The following CTNNA3 variants were observed in gnomAD, a reference collection of about 807,000 sequenced individuals.
The protein encoded by CTNNA3 is catenin alpha-3.
A neutral mutation model predicts 95.7 loss-of-function variants in CTNNA3; 76 were observed. That is an observed-to-expected ratio of 0.79 (90% CI 0.66 to 0.96). The LOEUF is 0.96. Ranked by LOEUF, CTNNA3 falls within the 40% of genes least tolerant of loss-of-function variation. The pLI, the probability that CTNNA3 is intolerant of heterozygous loss-of-function variation, is 0.00. For missense variants in CTNNA3, 1,191 were observed against 1,089.8 expected (o/e 1.09, Z -1.31); for synonymous variants, 431 against 374.4 (o/e 1.15, Z -1.74).
chr10:66,580,030 C>A (rs1217341159), intron 10 of CTNNA3, among the ~76,000 whole-genome samples: 1 of 151,512 alleles, frequency 6.6e-6, no homozygotes, highest in South Asian at 2.1e-4. Context: ...TTTTTGTTTT[C>A]TTTAAAGTCT....
intron 11 of CTNNA3, among the ~76,000 whole-genome samples, chr10:66,411,551 T>C (rs56138970): frequency 0.38 from 58,048 of 151,798 alleles, 11,660 homozygotes; most frequent in African/African-American, 0.5. Context: ...CAAATATTTA[T>C]AAGGTTTACC....
chr10:66,309,746 T>C (rs1252250254), intron 12 of CTNNA3, among the ~76,000 whole-genome samples: 1 of 46,556 alleles, frequency 2.1e-5, no homozygotes, highest in East Asian at 6.6e-4. Flanking sequence ...GATAGGGAAA[T>C]AGGGAAATGA....
chr10:67,703,480 T>A (rs1261287243), intron 1 of CTNNA3, among the ~76,000 whole-genome samples: 1 of 151,980 alleles, frequency 6.6e-6, no homozygotes, highest in East Asian at 1.9e-4. Flanking sequence ...TATACGCAAA[T>A]CAATAAATGT....
chr10:67,725,267 C>T (rs1270911972), intron 1 of CTNNA3, among the ~76,000 whole-genome samples: 12 of 151,836 alleles, frequency 7.9e-5, no homozygotes, highest in Non-Finnish European at 1.5e-4. Flanking sequence ...AGCTCCATCT[C>T]CCAGGGTCAG....
chr10:67,076,847 T>A (rs1257440194), intron 7 of CTNNA3, among the ~76,000 whole-genome samples: 2 of 152,164 alleles, frequency 1.3e-5, no homozygotes, highest in African/African-American at 2.4e-5. Flanking sequence ...TCCTCTGTTT[T>A]TCATACTAAT....
intron 5 of CTNNA3, among the ~76,000 whole-genome samples, chr10:67,237,458 A>G (rs1417692090): frequency 6.6e-6 from 1 of 151,806 alleles, no homozygotes; most frequent in Non-Finnish European, 1.5e-5. Flanking sequence ...TGATGGGTGC[A>G]CCAAAATTTT....
chr10:67,601,038 G>A (rs1843068055), intron 3 of CTNNA3, among the ~76,000 whole-genome samples: 1 of 152,192 alleles, frequency 6.6e-6, no homozygotes, highest in African/African-American at 2.4e-5. Flanking sequence ...GGGACAAGGG[G>A]CCCTCTTAGG....
chr10:66,589,042 TTAAG>T (rs1413903741), intron 10 of CTNNA3, among the ~76,000 whole-genome samples: 2 of 152,046 alleles, frequency 1.3e-5, no homozygotes, highest in African/African-American at 2.4e-5. Context: ...GTTTTGTTTC[TTAAG>T]TAAGGATAGA....
At chr10:66,974,491 A>T (rs1263760129) in intron 7 of CTNNA3, among the ~76,000 whole-genome samples, 1 of 152,172 alleles carries the variant, frequency 6.6e-6, no homozygotes, top group Non-Finnish European at 1.5e-5. Context: ...ATTCGCCAGC[A>T]TATGTTTTTA....
At chr10:67,107,974 C>T (rs1207122087) in intron 7 of CTNNA3, among the ~76,000 whole-genome samples, 1 of 152,186 alleles carries the variant, frequency 6.6e-6, no homozygotes, top group Non-Finnish European at 1.5e-5. Context: ...CCAATAAAAC[C>T]CTGTCTTACT....
chr10:66,588,468 T>C (rs1376152233), intron 10 of CTNNA3, among the ~76,000 whole-genome samples: 1 of 152,098 alleles, frequency 6.6e-6, no homozygotes, highest in Non-Finnish European at 1.5e-5. Flanking sequence ...CCATTTTAAA[T>C]AACACATAGG....
intron 13 of CTNNA3, among the ~76,000 whole-genome samples, chr10:66,230,294 T>G (rs568980707): frequency 1.3e-5 from 2 of 152,334 alleles, no homozygotes; most frequent in Non-Finnish European, 2.9e-5. Context: ...AATTGATATT[T>G]AAGATCTTGT....
At chr10:67,700,326 G>A (rs1841026025), upstream of CTNNA3, among the ~76,000 whole-genome samples, 1 of 152,210 alleles carries the variant, frequency 6.6e-6, no homozygotes, top group Non-Finnish European at 1.5e-5. Context: ...GCCTCCTCAA[G>A]TGGGTCCCTG....
At chr10:66,299,568 C>A (rs760453618) in intron 12 of CTNNA3, among the ~76,000 whole-genome samples, 4 of 152,130 alleles carry the variant, frequency 2.6e-5, no homozygotes, top group Non-Finnish European at 5.9e-5. Flanking sequence ...TGTATCTGAA[C>A]TATTTAGCCT....
chr10:66,601,533 G>C (rs1378386865), intron 10 of CTNNA3, among the ~76,000 whole-genome samples: 1 of 151,758 alleles, frequency 6.6e-6, no homozygotes, highest in Non-Finnish European at 1.5e-5. Flanking sequence ...ATAGCTTCTG[G>C]ATCTCAATGT....
At chr10:66,967,307 T>G (rs112787444) in intron 7 of CTNNA3, among the ~76,000 whole-genome samples, 1 of 150,936 alleles carries the variant, frequency 6.6e-6, no homozygotes, top group East Asian at 1.9e-4. Context: ...GATATAGGTA[T>G]AGATAGATAT....
At chr10:66,508,452 G>C (rs559980547) in intron 11 of CTNNA3, among the ~76,000 whole-genome samples, 3 of 152,106 alleles carry the variant, frequency 2.0e-5, no homozygotes, top group African/African-American at 7.2e-5. Context: ...CTTTCAGTTT[G>C]AGTATGGTCT....
intron 7 of CTNNA3, among the ~76,000 whole-genome samples, chr10:66,923,848 T>C (rs1254773588): frequency 2.6e-5 from 4 of 152,246 alleles, no homozygotes; most frequent in Non-Finnish European, 5.9e-5. Context: ...ATATCCATTG[T>C]ACTTGTGACT....
chr10:67,316,061 G>A (rs945967927), intron 5 of CTNNA3, among the ~76,000 whole-genome samples: 11 of 152,012 alleles, frequency 7.2e-5, no homozygotes, highest in South Asian at 6.2e-4. Context: ...TTTGTAAATC[G>A]GCTATATCAT....
Sources: gnomAD v4.1 joint callset for allele counts (sites outside exome capture counted in the v4.1 genomes callset) on GRCh38, gnomAD v4.1.1 for gene constraint, MANE v1.5 for transcripts, NCBI Gene and HGNC (gene_info 2026-07-23, HGNC 2026-07-21) for gene names.